Variants in SNTG2 observed in about 807,000 individuals in gnomAD.
SNTG2 encodes gamma-2-syntrophin.
Under a neutral mutation model 70.9 loss-of-function variants are expected in SNTG2, and 74 were observed. That is an observed-to-expected ratio of 1.04 (90% CI 0.86 to 1.27). The LOEUF (loss-of-function observed/expected upper bound fraction) is 1.27. Ranked by LOEUF, SNTG2 falls within the 50% of genes most tolerant of loss-of-function variation. The pLI, the probability that SNTG2 is intolerant of heterozygous loss-of-function variation, is 0.00. For missense variants in SNTG2, 717 were observed against 690.7 expected (o/e 1.04, Z -0.43); for synonymous variants, 278 against 273.8 (o/e 1.02, Z -0.15).
chr2:982,008 A>G lies in SNTG2; in HGVS notation c.72+30940A>G, dbSNP rs1361894935. On this transcript the variant is annotated intron_variant, in intron 1 of 16. Coordinates refer to ENST00000308624, the MANE Select transcript of SNTG2 (RefSeq NM_018968.4). ...TGCACTTGTGCACACACGTGTCCAC[A>G]CAGATGCACACAGACACACACTCAC... 7.2e-5 allele frequency among the ~76,000 whole-genome samples: 11 copies of G among 152,136 alleles called. 1 individual carries two copies. The highest frequency in any genetic ancestry group is 7.2e-4 in the Admixed American group (11 of 15,278).
chr2:1,098,770 A>G (rs1280325975), intron 4 of SNTG2, among the ~76,000 whole-genome samples: 2 of 152,222 alleles, frequency 1.3e-5, no homozygotes, highest in Non-Finnish European at 2.9e-5. Flanking sequence ...TCGTTGAAGT[A>G]TCTGATACAC....
intron 16 of SNTG2, among the ~76,000 whole-genome samples, chr2:1,326,853 C>A (rs1176965983): frequency 6.6e-6 from 1 of 151,998 alleles, no homozygotes; most frequent in African/African-American, 2.4e-5. Flanking sequence ...TCTTTCTTTT[C>A]TCAACTTTGT....
intron 12 of SNTG2, among the ~76,000 whole-genome samples, chr2:1,257,929 G>A (rs976053879): frequency 3.3e-5 from 5 of 152,216 alleles, no homozygotes; most frequent in African/African-American, 1.2e-4. Flanking sequence ...TTGGGAAGAT[G>A]TCTCTGAATA....
At chr2:1,293,427 AG>A (rs1300556476) in intron 14 of SNTG2, among the ~76,000 whole-genome samples, 1 of 148,666 alleles carries the variant, frequency 6.7e-6, no homozygotes, top group African/African-American at 2.5e-5. Context: ...TCTTTTTTCT[AG>A]TTTCTTAAGG....
intron 6 of SNTG2, among the ~76,000 whole-genome samples, chr2:1,152,020 A>G (rs4077326): frequency 0.82 from 124,985 of 152,218 alleles, 52,922 homozygotes; most frequent in Non-Finnish European, 0.94. Context: ...GTAAGCATTT[A>G]TGGTCCTTCA....
chr2:992,033 A>C (rs968323259), intron 1 of SNTG2, among the ~76,000 whole-genome samples: 3 of 152,152 alleles, frequency 2.0e-5, no homozygotes, highest in African/African-American at 7.2e-5. Context: ...ATGCAGATGA[A>C]GGAAATAACA....
At chr2:962,869 G>C (rs1293132827) in intron 1 of SNTG2, among the ~76,000 whole-genome samples, 3 of 152,082 alleles carry the variant, frequency 2.0e-5, no homozygotes, top group African/African-American at 7.2e-5. Flanking sequence ...GAAGATAAGT[G>C]TCATCCCTTA....
At chr2:1,240,430 T>C (rs1275744673) in intron 11 of SNTG2, among the ~76,000 whole-genome samples, 1 of 152,250 alleles carries the variant, frequency 6.6e-6, no homozygotes, top group African/African-American at 2.4e-5. Context: ...TTTAAGCCAC[T>C]GTGTTATTCT....
chr2:1,173,383 T>A (rs1671257358), intron 8 of SNTG2, among the ~76,000 whole-genome samples, 200 bp downstream of exon 8: 1 of 152,184 alleles, frequency 6.6e-6, no homozygotes, highest in East Asian at 1.9e-4. Context: ...CTGATTGCAT[T>A]ATAGGATATT....
At chr2:1,002,975 C>T (rs539368637) in intron 1 of SNTG2, among the ~76,000 whole-genome samples, 1 of 152,070 alleles carries the variant, frequency 6.6e-6, no homozygotes, top group East Asian at 1.9e-4. Flanking sequence ...AGGTCATTAT[C>T]TTAAACGAAT....
At position 1,316,330 on chromosome 2, in the gene SNTG2, A is replaced by G; in HGVS notation, c.1443A>G (p.Val481=). 6.4e-7 allele frequency: 1 copy of G among 1,550,712 alleles called. No individual in the cohort carries two copies. Among genetic ancestry groups the G allele is most frequent in the Non-Finnish European group, 8.7e-7 (1 of 1,146,266 alleles). ...CTTCAGATGATGGGAAAACTCGAGT[A>G]AAGCTGCTGTTTCAGAATCTGGACA... is the stretch of plus-strand genomic sequence containing the variant. The part of the protein sequence containing the change: ...KGSSDDGKTR[V]KLLFQNLDTK... The change falls in exon 16 of 17, where the codon GTA becomes GTG. Residue 481 remains valine, a synonymous_variant. Coordinates refer to ENST00000308624, the MANE Select transcript of SNTG2 (RefSeq NM_018968.4).
chr2:1,334,181 CAT>C (rs1326642019), intron 16 of SNTG2, among the ~76,000 whole-genome samples: 2 of 152,060 alleles, frequency 1.3e-5, no homozygotes, highest in Non-Finnish European at 2.9e-5. Flanking sequence ...GGCCAACAAA[CAT>C]ATGAAAAAAT....
At chr2:1,359,203 T>G (rs1435473050) in intron 16 of SNTG2, among the ~76,000 whole-genome samples, 1 of 152,162 alleles carries the variant, frequency 6.6e-6, no homozygotes, top group African/African-American at 2.4e-5. Context: ...TTTTAAAATT[T>G]TGTATATGAA....
At chr2:1,075,673 A>G (rs1572371158) in intron 1 of SNTG2, among the ~76,000 whole-genome samples, 1 of 152,360 alleles carries the variant, frequency 6.6e-6, no homozygotes, top group Middle Eastern at 3.4e-3. Context: ...TTCCTCACTC[A>G]AATGACATTT....
chr2:996,564 A>G (rs1661685970), intron 1 of SNTG2, among the ~76,000 whole-genome samples: 1 of 152,068 alleles, frequency 6.6e-6, no homozygotes. Context: ...CTACATATAG[A>G]CATACACATA....
chr2:1,061,991 A>G (rs1350950495), intron 1 of SNTG2, among the ~76,000 whole-genome samples: 1 of 152,262 alleles, frequency 6.6e-6, no homozygotes, highest in East Asian at 1.9e-4. Flanking sequence ...AATGCAAATT[A>G]TACATCAGAA....
At chr2:1,255,792 GTATA>G (rs60809596) in intron 12 of SNTG2, among the ~76,000 whole-genome samples, 2 of 130,094 alleles carry the variant, frequency 1.5e-5, no homozygotes, top group East Asian at 2.1e-4. Flanking sequence ...GTGTGTGTGT[GTATA>G]TATATATATA....
intron 7 of SNTG2, among the ~76,000 whole-genome samples, chr2:1,172,192 T>C (rs546424882): frequency 6.6e-6 from 1 of 152,300 alleles, no homozygotes; most frequent in African/African-American, 2.4e-5. Flanking sequence ...TTCTCAGTGC[T>C]TCTTTCCTCT....
chr2:1,129,538 C>A (rs923695363), intron 4 of SNTG2, among the ~76,000 whole-genome samples: 1 of 152,176 alleles, frequency 6.6e-6, no homozygotes, highest in Non-Finnish European at 1.5e-5. Flanking sequence ...TAGAGCCAAA[C>A]CATAAAGTCA....
Sources: allele counts gnomAD v4.1 joint callset (sites outside exome capture counted in the v4.1 genomes callset), GRCh38; gene constraint gnomAD v4.1.1; transcripts MANE v1.5; gene names NCBI Gene and HGNC (gene_info 2026-07-23, HGNC 2026-07-21).